CNTNAP2: variants seen among roughly 807,000 people sequenced by gnomAD.
CNTNAP2 encodes contactin-associated protein-like 2.
A neutral mutation model predicts 155.2 loss-of-function variants in CNTNAP2; 98 were observed. The ratio of observed to expected loss-of-function variants is 0.63; its 90% CI spans 0.54 to 0.75. The LOEUF (loss-of-function observed/expected upper bound fraction) is 0.75. Ranked by LOEUF, CNTNAP2 falls within the 30% of genes least tolerant of loss-of-function variation. The probability of loss-of-function intolerance (pLI) is 0.00; values close to 1 mark genes in which losing one functional copy is unlikely to be tolerated. For synonymous variants in CNTNAP2, 651 were observed against 631.2 expected, an observed-to-expected ratio of 1.03 and a Z score of -0.47; for missense variants, 1,727 against 1,688.1, an observed-to-expected ratio of 1.02 and a Z score of -0.40.
chr7:148,179,575 C>T (rs866214544), intron 18 of CNTNAP2, among the ~76,000 whole-genome samples: 13 of 48,406 alleles, frequency 2.7e-4, no homozygotes, highest in South Asian at 9.1e-4. Flanking sequence ...GGGAGAGAGG[C>T]GGGGTGCGGG....
At position 146,996,524 on chromosome 7, in the gene CNTNAP2, A is replaced by T. The variant is rs553867146; in HGVS notation, c.403-47383A>T. Among the ~76,000 whole-genome samples, 4 of 152,192 alleles carry T rather than the reference A, an allele frequency of 2.6e-5. No homozygotes were observed. The South Asian group carries it at 8.3e-4, about 32-fold the overall frequency. ...TTTTCAGGTAGTTTACTGTTAGTGT[A>T]CAGAAACACTACTGATTTTGATTTT... is the stretch of plus-strand genomic sequence containing the variant. On this transcript the variant is annotated intron_variant, in intron 3 of 23. Transcript: ENST00000361727.
chr7:146,743,460 A>G (rs966172112), intron 1 of CNTNAP2, among the ~76,000 whole-genome samples: 6 of 152,220 alleles, frequency 3.9e-5, no homozygotes, highest in African/African-American at 1.2e-4. Context: ...TGATTCGACC[A>G]AATTATGGAT....
At chr7:148,383,292 A>T (rs1799111748) in intron 21 of CNTNAP2, among the ~76,000 whole-genome samples, 1 of 151,492 alleles carries the variant, frequency 6.6e-6, no homozygotes, top group South Asian at 2.1e-4. Flanking sequence ...TGCTTTGTTC[A>T]ATTTGTTAAG....
In CNTNAP2 at chr7:148,383,666, C is replaced by A; in HGVS notation, c.3493C>A (p.Gln1165Lys). Residue 1165 changes from glutamine to lysine, a missense_variant, in exon 22 of 24, where the codon CAA (glutamine) becomes AAA (lysine). By Grantham distance (53) the Gln-to-Lys change is moderately conservative (BLOSUM62 1). Coordinates refer to ENST00000361727, the MANE Select transcript of CNTNAP2 (RefSeq NM_014141.6). ...TCTTTTAGAAACAGGGAAAATTGAC[C>A]AAGAGATTCACAAATACAACACCCC... is the stretch of plus-strand genomic sequence containing the variant. ...GKVIETGKIDQEIHKYNTPGF... is the reference protein window; with the variant it reads ...GKVIETGKIDKEIHKYNTPGF... The A allele has an allele frequency of 1.2e-6, 2 of 1,614,034 alleles. No individual in the cohort carries two copies. Among genetic ancestry groups the A allele is most frequent in the Non-Finnish European group, 1.7e-6 (2 of 1,179,996 alleles).
chr7:147,839,115 G>C (rs1399590887), intron 13 of CNTNAP2, among the ~76,000 whole-genome samples: 1 of 152,142 alleles, frequency 6.6e-6, no homozygotes, highest in Non-Finnish European at 1.5e-5. Flanking sequence ...TAGACCAGAA[G>C]ACTAAGCCAG....
At chr7:147,171,205 A>G (rs1802219454) in intron 8 of CNTNAP2, among the ~76,000 whole-genome samples, 1 of 152,136 alleles carries the variant, frequency 6.6e-6, no homozygotes, top group African/African-American at 2.4e-5. Flanking sequence ...TGAGGCCCGG[A>G]ATCAGCTTTA....
At chr7:147,911,538 C>T (rs973675067) in intron 14 of CNTNAP2, among the ~76,000 whole-genome samples, 6 of 152,142 alleles carry the variant, frequency 3.9e-5, no homozygotes, top group African/African-American at 9.7e-5. Context: ...TGCAGCTGCA[C>T]GTGGCATAAC....
chr7:147,557,936 A>G (rs1471027661), intron 11 of CNTNAP2, among the ~76,000 whole-genome samples: 1 of 152,204 alleles, frequency 6.6e-6, no homozygotes, highest in Non-Finnish European at 1.5e-5. Context: ...TAAATGACAG[A>G]AAGGAGATAT....
At chr7:146,304,920 T>G (rs995312999) in intron 1 of CNTNAP2, among the ~76,000 whole-genome samples, 1 of 152,140 alleles carries the variant, frequency 6.6e-6, no homozygotes, top group South Asian at 2.1e-4. Context: ...CAGATGTAGA[T>G]TTGGTCTTTT....
intron 1 of CNTNAP2, among the ~76,000 whole-genome samples, chr7:146,721,890 T>TA (rs1491454260): frequency 0.039 from 2,941 of 75,526 alleles, 317 homozygotes; most frequent in Middle Eastern, 0.064. Flanking sequence ...TATATATATA[T>TA]TTTTTTTTTT....
chr7:147,469,391 A>G (rs1798173328), intron 10 of CNTNAP2, among the ~76,000 whole-genome samples: 1 of 152,042 alleles, frequency 6.6e-6, no homozygotes, highest in African/African-American at 2.4e-5. Context: ...AAAAAATATC[A>G]AGCATGTGCC....
chr7:148,409,416 A>G lies in CNTNAP2; in HGVS notation c.3741A>G (p.Pro1247=), dbSNP rs141772824. Residue 1247 remains proline, a synonymous_variant, in exon 23 of 24, where the codon CCA becomes CCG. Coordinates refer to ENST00000361727, the MANE Select transcript of CNTNAP2 (RefSeq NM_014141.6). The stretch of plus-strand genomic sequence containing the variant: ...CCAGTGCGGATTTTCCATATAATCC[A>G]GGACAAGGCCAAGCTATAAGAAATG... ...DSASADFPYN[P]GQGQAIRNGV... 1 of 1,613,896 alleles carries G rather than the reference A, an allele frequency of 6.2e-7. No homozygotes were observed. The highest frequency in any genetic ancestry group is 1.6e-4 in the Middle Eastern group (1 of 6,062).
At chr7:147,573,615 A>C (rs1300790325) in intron 12 of CNTNAP2, among the ~76,000 whole-genome samples, 1 of 152,170 alleles carries the variant, frequency 6.6e-6, no homozygotes, top group Non-Finnish European at 1.5e-5. Context: ...TTGTTAGTAC[A>C]TTGTAGAATC....
rs77772719 is a variant in CNTNAP2 at position 146,872,390 on chromosome 7, T to C, written c.402+32486T>C. The stretch of plus-strand genomic sequence containing the variant: ...CCCAGGCTTTGCCTGTACTTTAACG[T>C]AAACCAATGCTGCACTTTATGCTTA... On this transcript the variant is annotated intron_variant, in intron 3 of 23. Transcript: ENST00000361727. Among the ~76,000 whole-genome samples, 232 of 152,256 alleles carry C rather than the reference T, an allele frequency of 1.5e-3. 6 individuals carry two copies. The East Asian group carries it at 0.033, about 22-fold the overall frequency.
intron 11 of CNTNAP2, among the ~76,000 whole-genome samples, chr7:147,498,385 A>G (rs1466655599): frequency 6.6e-6 from 1 of 152,152 alleles, no homozygotes; most frequent in Non-Finnish European, 1.5e-5. Context: ...TACCAGATAA[A>G]ATGTACCATC....
intron 22 of CNTNAP2, among the ~76,000 whole-genome samples, chr7:148,388,673 T>C (rs549758914): frequency 6.6e-6 from 1 of 152,244 alleles, no homozygotes; most frequent in East Asian, 1.9e-4. Flanking sequence ...TTATCTACTT[T>C]TGGTCTTTGA....
intron 13 of CNTNAP2, among the ~76,000 whole-genome samples, chr7:147,775,392 A>AATATATATATTTATATATATATTT (rs1217890178): frequency 1.1e-5 from 1 of 93,228 alleles, no homozygotes; most frequent in Admixed American, 1.5e-4. Flanking sequence ...TATATTTATA[A>AATATATATATTTATATATATATTT]ATATATATAT....
At chr7:148,371,989 A>C (rs1232637872) in intron 21 of CNTNAP2, among the ~76,000 whole-genome samples, 1 of 152,096 alleles carries the variant, frequency 6.6e-6, no homozygotes, top group Non-Finnish European at 1.5e-5. Flanking sequence ...TCACAAGGTC[A>C]GGAGATCGAG....
intron 10 of CNTNAP2, among the ~76,000 whole-genome samples, chr7:147,405,750 A>G (rs7788700): frequency 0.47 from 71,580 of 152,010 alleles, 19,644 homozygotes; most frequent in African/African-American, 0.77. Flanking sequence ...GTGGGCCTAG[A>G]CAACTGTAAA....
Sources: gnomAD v4.1 joint callset for allele counts (sites outside exome capture counted in the v4.1 genomes callset) on GRCh38, gnomAD v4.1.1 for gene constraint, MANE v1.5 for transcripts, NCBI Gene and HGNC (gene_info 2026-07-23, HGNC 2026-07-21) for gene names.